The following DPYD variants were observed in gnomAD, a reference collection of about 807,000 sequenced individuals.
DPYD encodes dihydropyrimidine dehydrogenase [NADP(+)].
Under a neutral mutation model 116.2 loss-of-function variants are expected in DPYD, and 109 were observed. That is an observed-to-expected ratio of 0.94 (90% CI 0.80 to 1.10). The LOEUF (loss-of-function observed/expected upper bound fraction) is 1.10. DPYD is among the 50% of genes least tolerant of loss of function. The pLI is 0.00. For synonymous variants in DPYD, 440 were observed against 432.0 expected, an observed-to-expected ratio of 1.02 and a Z score of -0.23; for missense variants, 1,302 against 1,254.5, an observed-to-expected ratio of 1.04 and a Z score of -0.57.
At chr1:97,667,855 T>C (rs959598798) in intron 8 of DPYD, among the ~76,000 whole-genome samples, 6 of 152,100 alleles carry the variant, frequency 3.9e-5, no homozygotes, top group African/African-American at 1.4e-4. Context: ...ATGTGATATA[T>C]ACATAAAAAA....
rs553604082 is a variant in DPYD at position 97,814,147 on chromosome 1, C to CA, written c.233+13966dup. Among the ~76,000 whole-genome samples the CA allele has an allele frequency of 2.3e-3, 349 of 152,172 alleles. 2 individuals are homozygous for CA. Among genetic ancestry groups the CA allele is most frequent in the African/African-American group, 8.1e-3 (338 of 41,512 alleles). Reference sequence around the variant, plus strand: ...CTGAGAGCTGAATAGCAAGAAGCAGCAAGGCATGGAAGAGCCCATGTAAGA... The same window carrying CA: ...CTGAGAGCTGAATAGCAAGAAGCAGCAAAGGCATGGAAGAGCCCATGTAAGA... On this transcript the variant is annotated intron_variant, in intron 3 of 22. Coordinates refer to ENST00000370192, the MANE Select transcript of DPYD (RefSeq NM_000110.4).
At chr1:97,720,627 G>T in intron 5 of DPYD, 1 of 1,228,154 alleles carries the variant, frequency 8.1e-7, no homozygotes, top group Non-Finnish European at 1.0e-6. Context: ...TAAGCTTGAG[G>T]AATATTATGG....
rs180817523 is a variant in DPYD at position 97,545,188 on chromosome 1, T to C, written c.1524+4372A>G. Reference sequence around the variant, plus strand: ...TTTGTCTTATAATGAAAAAAAATTATGTGCATGTTGTATATGTGCACCAAT... The same window carrying C: ...TTTGTCTTATAATGAAAAAAAATTACGTGCATGTTGTATATGTGCACCAAT... On this transcript the variant is annotated intron_variant, in intron 12 of 22. Coordinates refer to ENST00000370192, the MANE Select transcript of DPYD (RefSeq NM_000110.4). Among the ~76,000 whole-genome samples the C allele has an allele frequency of 4.6e-5, 7 of 152,350 alleles. No homozygotes were observed. In the East Asian group the frequency reaches 1.2e-3, roughly 25 times the overall value.
At chr1:97,354,422 A>G (rs1670313332) in intron 16 of DPYD, among the ~76,000 whole-genome samples, 1 of 151,492 alleles carries the variant, frequency 6.6e-6, no homozygotes, top group South Asian at 2.1e-4. Flanking sequence ...AAAAATGCTC[A>G]TTCTTAAACA....
At chr1:97,595,191 T>C in intron 8 of DPYD, 25 bp from the exon 9 acceptor site, 4 of 1,590,300 alleles carry the variant, frequency 2.5e-6, no homozygotes, top group Non-Finnish European at 2.6e-6. Context: ...TTATAAAATA[T>C]CATTAGCAGG....
At chr1:97,796,442 T>C (rs1314425539) in intron 3 of DPYD, among the ~76,000 whole-genome samples, 1 of 152,160 alleles carries the variant, frequency 6.6e-6, no homozygotes, top group African/African-American at 2.4e-5. Flanking sequence ...ATCCTCTCAA[T>C]ACACTGTTTT....
intron 13 of DPYD, among the ~76,000 whole-genome samples, chr1:97,497,311 C>T (rs1046687970): frequency 9.2e-5 from 14 of 151,890 alleles, no homozygotes; most frequent in African/African-American, 2.7e-4. Flanking sequence ...TATAGATGAT[C>T]CTGTAACACT....
intron 1 of DPYD, among the ~76,000 whole-genome samples, chr1:97,894,417 C>T (rs1026790232): frequency 1.3e-5 from 2 of 151,760 alleles, no homozygotes; most frequent in African/African-American, 4.8e-5. Flanking sequence ...AGGATTCCAC[C>T]ACCTGTGGAA....
chr1:97,443,634 G>A (rs1157154864), intron 14 of DPYD, among the ~76,000 whole-genome samples: 1 of 152,188 alleles, frequency 6.6e-6, no homozygotes, highest in African/African-American at 2.4e-5. Flanking sequence ...CAAGGCAAAA[G>A]AACTAAGGTG....
In DPYD at chr1:97,234,850, A is replaced by G; in HGVS notation, c.2442+2T>C. ...AAAGGGACAGACAAACACAATGACT[A>G]CCTGGAGGACGGAAGCACCACTATG... On this transcript the variant is annotated splice_donor_variant, in intron 19 of 22. Transcript: ENST00000370192. LOFTEE classifies it high-confidence loss of function. 6.2e-7 allele frequency: 1 copy of G among 1,613,864 alleles called. No homozygotes were observed. The highest frequency in any genetic ancestry group is 8.5e-7 in the Non-Finnish European group (1 of 1,179,924).
intron 13 of DPYD, chr1:97,514,233 C>G (rs1648033444): frequency 3.0e-6 from 3 of 985,072 alleles, no homozygotes; most frequent in Admixed American, 1.2e-4. Context: ...TACTGAAAGA[C>G]ACAGCATCAC....
chr1:97,367,045 G>A (rs1671076257), intron 16 of DPYD, among the ~76,000 whole-genome samples: 2 of 152,014 alleles, frequency 1.3e-5, no homozygotes, highest in Admixed American at 6.6e-5. Flanking sequence ...ATTGCTCCCT[G>A]GACACTGCAT....
intron 14 of DPYD, among the ~76,000 whole-genome samples, chr1:97,448,344 G>A (rs531476739): frequency 5.3e-5 from 8 of 152,294 alleles, no homozygotes; most frequent in South Asian, 2.1e-4. Context: ...GGTGTGTAAC[G>A]ATTGATATGG....
chr1:97,882,548 G>T (rs1354731719), intron 2 of DPYD, among the ~76,000 whole-genome samples: 1 of 151,948 alleles, frequency 6.6e-6, no homozygotes, highest in Non-Finnish European at 1.5e-5. Flanking sequence ...GGGGTAATCT[G>T]GGGAAATCAG....
chr1:97,387,629 A>T (rs986290726), intron 14 of DPYD, among the ~76,000 whole-genome samples: 1 of 152,132 alleles, frequency 6.6e-6, no homozygotes, highest in Non-Finnish European at 1.5e-5. Context: ...CATGGTCAGT[A>T]AAAAGCTCCC....
At chr1:97,323,235 T>C (rs925201546) in intron 16 of DPYD, among the ~76,000 whole-genome samples, 9 of 148,972 alleles carry the variant, frequency 6.0e-5, no homozygotes, top group African/African-American at 2.2e-4. Flanking sequence ...TATGTATATA[T>C]GTATACACAT....
intron 20 of DPYD, among the ~76,000 whole-genome samples, chr1:97,123,914 G>A (rs906624120): frequency 4.6e-5 from 7 of 152,096 alleles, no homozygotes; most frequent in African/African-American, 1.7e-4. Flanking sequence ...AGAGTAGCCT[G>A]GGTGATTCAG....
intron 14 of DPYD, among the ~76,000 whole-genome samples, chr1:97,400,460 T>C (rs1673305172): frequency 6.6e-6 from 1 of 152,198 alleles, no homozygotes; most frequent in Non-Finnish European, 1.5e-5. Context: ...GATGCTGGCC[T>C]CATTAAATGA....
intron 4 of DPYD, among the ~76,000 whole-genome samples, chr1:97,729,932 A>G (rs1324409250): frequency 6.6e-6 from 1 of 152,198 alleles, no homozygotes; most frequent in Non-Finnish European, 1.5e-5. Context: ...TAAATGAAAT[A>G]AAACTTTCAT....
Sources: gnomAD v4.1 joint callset for allele counts (sites outside exome capture counted in the v4.1 genomes callset) on GRCh38, gnomAD v4.1.1 for gene constraint, MANE v1.5 for transcripts, NCBI Gene and HGNC (gene_info 2026-07-23, HGNC 2026-07-21) for gene names.